The following RGS7 variants were observed in gnomAD, a reference collection of about 807,000 sequenced individuals.
RGS7 encodes the protein regulator of G-protein signaling 7.
A neutral mutation model predicts 81.1 loss-of-function variants in RGS7; 27 were observed. The observed-to-expected ratio is 0.33, with a 90% CI of 0.25 to 0.46. RGS7 has a LOEUF of 0.46. Among genes scored for constraint, RGS7 ranks in the 20% least tolerant of loss-of-function variants. RGS7 has a pLI of 1.00. For synonymous variants in RGS7, 208 were observed against 207.7 expected (o/e 1.00, Z -0.01); for missense variants, 396 against 607.4 (o/e 0.65, Z 3.66).
chr1:240,784,938 G>A (rs1684816752), intron 18 of RGS7, among the ~76,000 whole-genome samples: 1 of 152,130 alleles, frequency 6.6e-6, no homozygotes, highest in Non-Finnish European at 1.5e-5. Flanking sequence ...TGACCATATG[G>A]TGGTAAAATG....
At chr1:240,980,232 T>C (rs1684722413) in intron 4 of RGS7, among the ~76,000 whole-genome samples, 1 of 152,210 alleles carries the variant, frequency 6.6e-6, no homozygotes, top group African/African-American at 2.4e-5. Context: ...GATAAAATAC[T>C]GAACACTAAG....
intron 6 of RGS7, among the ~76,000 whole-genome samples, chr1:240,899,509 G>T (rs146296331): frequency 6.6e-6 from 1 of 152,150 alleles, no homozygotes; most frequent in Non-Finnish European, 1.5e-5. Flanking sequence ...GCAATTGCTT[G>T]TCCGTAAAGG....
intron 2 of RGS7, among the ~76,000 whole-genome samples, chr1:241,267,064 C>T (rs1205355579): frequency 6.6e-6 from 1 of 152,174 alleles, no homozygotes; most frequent in Non-Finnish European, 1.5e-5. Flanking sequence ...TTCCTGGAGA[C>T]CTCTGCCTTC....
chr1:241,004,543 C>T (rs927086021), intron 3 of RGS7, among the ~76,000 whole-genome samples: 12 of 152,084 alleles, frequency 7.9e-5, no homozygotes, highest in African/African-American at 9.7e-5. Flanking sequence ...AAAAAGCACA[C>T]GAACTTAATG....
intron 2 of RGS7, among the ~76,000 whole-genome samples, chr1:241,157,821 CTT>C (rs67249227): frequency 6.3e-5 from 6 of 94,708 alleles, no homozygotes; most frequent in Non-Finnish European, 6.8e-5. Context: ...CTTTTCTTTT[CTT>C]TTTTTTTTTT....
chr1:241,007,743 T>C (rs1389125420), intron 3 of RGS7, among the ~76,000 whole-genome samples: 1 of 152,190 alleles, frequency 6.6e-6, no homozygotes, highest in Non-Finnish European at 1.5e-5. Flanking sequence ...GGTGAGAAGT[T>C]AGAAGTGCTA....
At chr1:241,351,025 G>T (rs971197869) in intron 2 of RGS7, among the ~76,000 whole-genome samples, 2 of 152,166 alleles carry the variant, frequency 1.3e-5, no homozygotes, top group Non-Finnish European at 2.9e-5. Context: ...ACAATGCTTA[G>T]ATCAAGCCAA....
chr1:241,281,028 T>C (rs1461715540), intron 2 of RGS7, among the ~76,000 whole-genome samples: 1 of 152,086 alleles, frequency 6.6e-6, no homozygotes, highest in Non-Finnish European at 1.5e-5. Flanking sequence ...AGCTCACAGA[T>C]GAACCACATA....
At chr1:241,325,161 A>G (rs962696621) in intron 2 of RGS7, among the ~76,000 whole-genome samples, 5 of 152,228 alleles carry the variant, frequency 3.3e-5, no homozygotes, top group African/African-American at 1.2e-4. Context: ...GCTACGGGGG[A>G]AACCCAATTA....
chr1:240,927,958 T>C (rs944722917), intron 6 of RGS7, among the ~76,000 whole-genome samples: 4 of 152,194 alleles, frequency 2.6e-5, no homozygotes, highest in African/African-American at 9.7e-5. Context: ...TAATCTGCCA[T>C]GTTGGCTCCT....
At chr1:240,784,767 A>C (rs1684788535) in intron 18 of RGS7, among the ~76,000 whole-genome samples, 1 of 150,304 alleles carries the variant, frequency 6.7e-6, no homozygotes, top group Non-Finnish European at 1.5e-5. Context: ...ATGTTGCTGT[A>C]GACTGGGATG....
At chr1:241,072,980 T>C (rs2062567346) in intron 3 of RGS7, among the ~76,000 whole-genome samples, 1 of 152,086 alleles carries the variant, frequency 6.6e-6, no homozygotes, top group African/African-American at 2.4e-5. Context: ...AGATCTAGCT[T>C]CCTCTAGATC....
At chr1:240,969,149 G>A (rs929643617) in intron 4 of RGS7, among the ~76,000 whole-genome samples, 1 of 151,996 alleles carries the variant, frequency 6.6e-6, no homozygotes, top group Non-Finnish European at 1.5e-5. Context: ...TTTATCCAGT[G>A]CTTTTTACTT....
intron 3 of RGS7, among the ~76,000 whole-genome samples, chr1:241,037,046 CT>C (rs2060365261): frequency 6.6e-6 from 1 of 152,142 alleles, no homozygotes; most frequent in South Asian, 2.1e-4. Context: ...AAATATGCTT[CT>C]GTCATAATAA....
At chr1:241,235,765 C>T (rs1397104100) in intron 2 of RGS7, among the ~76,000 whole-genome samples, 1 of 149,144 alleles carries the variant, frequency 6.7e-6, no homozygotes, top group Non-Finnish European at 1.5e-5. Context: ...CTCTTCACTC[C>T]TTTCCACCAT....
chr1:241,259,667 A>AAAAAAAAAAAAAATATATATATAT, intron 2 of RGS7, among the ~76,000 whole-genome samples: 1 of 49,146 alleles, frequency 2.0e-5, no homozygotes, highest in African/African-American at 8.0e-5. Flanking sequence ...AAAAAAAAAA[A>AAAAAAAAAAAAAATATATATATAT]ATATATATAT....
intron 18 of RGS7, among the ~76,000 whole-genome samples, chr1:240,778,727 T>C (rs924624888): frequency 6.6e-6 from 1 of 152,058 alleles, no homozygotes; most frequent in Admixed American, 6.5e-5. Flanking sequence ...AGAGATGGGG[T>C]TTCACCATGT....
intron 3 of RGS7, among the ~76,000 whole-genome samples, chr1:241,044,315 G>A (rs113764249): frequency 0.022 from 3,398 of 152,100 alleles, 56 homozygotes; most frequent in Non-Finnish European, 0.033. Context: ...TCACCAAATT[G>A]GCCAGGCTGG....
intron 2 of RGS7, among the ~76,000 whole-genome samples, chr1:241,235,040 A>G (rs545723445): frequency 6.6e-6 from 1 of 152,296 alleles, no homozygotes; most frequent in Non-Finnish European, 1.5e-5. Flanking sequence ...TGATGTTAAT[A>G]AGATGTTTGG....
Sources: gnomAD v4.1 joint callset for allele counts (sites outside exome capture counted in the v4.1 genomes callset) on GRCh38, gnomAD v4.1.1 for gene constraint, MANE v1.5 for transcripts, NCBI Gene and HGNC (gene_info 2026-07-23, HGNC 2026-07-21) for gene names.